SPATA16: variants seen among roughly 807,000 people sequenced by gnomAD.
SPATA16 encodes spermatogenesis-associated protein 16.
Under a neutral mutation model 63.3 loss-of-function variants are expected in SPATA16, and 36 were observed. The ratio of observed to expected loss-of-function variants is 0.57; its 90% CI spans 0.44 to 0.75. The LOEUF (loss-of-function observed/expected upper bound fraction) is 0.75. Among genes scored for constraint, SPATA16 ranks in the 30% least tolerant of loss-of-function variants. The pLI, the probability that SPATA16 is intolerant of heterozygous loss-of-function variation, is 0.00. For synonymous variants in SPATA16, 203 were observed against 216.7 expected, an observed-to-expected ratio of 0.94 and a Z score of 0.56; for missense variants, 646 against 679.3, an observed-to-expected ratio of 0.95 and a Z score of 0.54.
At chr3:173,119,245 G>C (rs946458811) in intron 1 of SPATA16, among the ~76,000 whole-genome samples, 1 of 152,152 alleles carries the variant, frequency 6.6e-6, no homozygotes, top group Non-Finnish European at 1.5e-5. Context: ...GATAGCTGCA[G>C]GAAACCACCA....
chr3:173,140,644 C>A (rs1022576421), intron 1 of SPATA16, among the ~76,000 whole-genome samples: 2 of 152,136 alleles, frequency 1.3e-5, no homozygotes, highest in African/African-American at 4.8e-5. Context: ...GTTAAGGAGA[C>A]AACAACCCGT....
chr3:172,947,750 G>A (rs1034946232), intron 6 of SPATA16, among the ~76,000 whole-genome samples: 2 of 152,096 alleles, frequency 1.3e-5, no homozygotes, highest in African/African-American at 2.4e-5. Flanking sequence ...GACACAGGGA[G>A]GGGAACATCA....
chr3:173,057,288 A>AT (rs1736259308), intron 2 of SPATA16, among the ~76,000 whole-genome samples: 1 of 150,902 alleles, frequency 6.6e-6, no homozygotes, highest in African/African-American at 2.4e-5. Flanking sequence ...ATTTTTTTGT[A>AT]TTTTTTAGTA....
At chr3:173,040,250 A>G (rs1013964230) in intron 3 of SPATA16, among the ~76,000 whole-genome samples, 1 of 152,138 alleles carries the variant, frequency 6.6e-6, no homozygotes, top group African/African-American at 2.4e-5. Flanking sequence ...TTTGGATAAT[A>G]TATAGCTATA....
chr3:173,102,459 T>G (rs1358993276), intron 2 of SPATA16, among the ~76,000 whole-genome samples: 1 of 152,162 alleles, frequency 6.6e-6, no homozygotes, highest in Non-Finnish European at 1.5e-5. Flanking sequence ...GTGCTCTTAC[T>G]TATGGTGGAA....
intron 3 of SPATA16, among the ~76,000 whole-genome samples, chr3:173,046,939 G>A (rs769607972): frequency 2.0e-5 from 3 of 151,860 alleles, no homozygotes; most frequent in Non-Finnish European, 2.9e-5. Context: ...CTTACTTAAT[G>A]TTCAACTTAG....
intron 4 of SPATA16, among the ~76,000 whole-genome samples, chr3:172,988,913 T>G (rs150230191): frequency 6.6e-6 from 1 of 152,286 alleles, no homozygotes; most frequent in East Asian, 1.9e-4. Flanking sequence ...GCTGAGATTA[T>G]AGGTGTGCAC....
chr3:173,130,392 A>G (rs575755912), intron 1 of SPATA16, among the ~76,000 whole-genome samples: 2 of 149,178 alleles, frequency 1.3e-5, no homozygotes, highest in Admixed American at 6.7e-5. Context: ...AAGAAATTCT[A>G]TAATCCCCAA....
intron 4 of SPATA16, among the ~76,000 whole-genome samples, chr3:173,001,409 G>C (rs1235681458): frequency 1.3e-5 from 2 of 151,990 alleles, no homozygotes; most frequent in African/African-American, 4.8e-5. Flanking sequence ...CCTGAGGGCA[G>C]GCCTTGTTAA....
At chr3:173,025,283 A>G (rs1735427299) in intron 3 of SPATA16, among the ~76,000 whole-genome samples, 2 of 151,784 alleles carry the variant, frequency 1.3e-5, no homozygotes, top group African/African-American at 4.8e-5. Flanking sequence ...ACTTCTAGAC[A>G]CCTTTTACTT....
chr3:173,007,974 A>G (rs575965661), intron 4 of SPATA16, among the ~76,000 whole-genome samples: 1 of 152,320 alleles, frequency 6.6e-6, no homozygotes, highest in East Asian at 1.9e-4. Context: ...ACTGATATGA[A>G]TACATATTCA....
At chr3:173,083,392 T>C (rs1029044278) in intron 2 of SPATA16, among the ~76,000 whole-genome samples, 7 of 152,168 alleles carry the variant, frequency 4.6e-5, no homozygotes, top group Non-Finnish European at 1.0e-4. Context: ...AATGAAATAA[T>C]AATAGTAAAG....
Position 172,991,190 on chromosome 3 carries a change from A to G in SPATA16, c.849-14138T>C, listed in dbSNP as rs184126154. Among the ~76,000 whole-genome samples the G allele has an allele frequency of 2.1e-3, 326 of 152,200 alleles. 1 individual carries two copies. The highest frequency in any genetic ancestry group is 7.4e-3 in the African/African-American group (308 of 41,528). ...CACGGTTTCAATGATAAATTATGTGAACGCCTATTGTTCTCTCAGGGGAGA... is the reference window on the plus strand; with the variant it reads ...CACGGTTTCAATGATAAATTATGTGGACGCCTATTGTTCTCTCAGGGGAGA... On this transcript the variant is annotated intron_variant, in intron 4 of 10. Coordinates refer to ENST00000351008, the MANE Select transcript of SPATA16 (RefSeq NM_031955.6).
rs139938984 is a variant in SPATA16, at chr3:173,016,611, C to G, written c.848+2875G>C. ...CCAAGAAACATGACTGCGTAGCATG[C>G]TACAGGAAATAACCTTGATGTGTTG... On this transcript the variant is annotated intron_variant, in intron 4 of 10. Coordinates refer to ENST00000351008, the MANE Select transcript of SPATA16 (RefSeq NM_031955.6). Among the ~76,000 whole-genome samples, 8 of 152,276 alleles carry G rather than the reference C, an allele frequency of 5.3e-5. No individual in the cohort carries two copies. The East Asian group carries it at 1.3e-3, about 26-fold the overall frequency.
intron 3 of SPATA16, among the ~76,000 whole-genome samples, chr3:173,028,348 G>A (rs949100931): frequency 6.6e-5 from 10 of 151,616 alleles, no homozygotes; most frequent in Non-Finnish European, 1.2e-4. Context: ...GCATCATTTC[G>A]TAGATTATAA....
intron 2 of SPATA16, among the ~76,000 whole-genome samples, chr3:173,077,984 A>G (rs896575756): frequency 6.6e-6 from 1 of 152,216 alleles, no homozygotes; most frequent in African/African-American, 2.4e-5. Flanking sequence ...TGTGATAATT[A>G]AAGCACCTCT....
chr3:173,094,677 G>GTTTTT (rs57224552), intron 2 of SPATA16, among the ~76,000 whole-genome samples: 2 of 115,710 alleles, frequency 1.7e-5, no homozygotes, highest in South Asian at 2.9e-4. Context: ...TATGGGAGTT[G>GTTTTT]TTTTTTTTTT....
chr3:172,931,683 AC>A (rs1328889752), intron 6 of SPATA16, among the ~76,000 whole-genome samples: 1 of 152,260 alleles, frequency 6.6e-6, no homozygotes, highest in African/African-American at 2.4e-5. Flanking sequence ...AAAAATCAAA[AC>A]TAATAAAATA....
chr3:173,116,104 C>G (rs1051441617), intron 2 of SPATA16, among the ~76,000 whole-genome samples: 2 of 152,092 alleles, frequency 1.3e-5, no homozygotes, highest in African/African-American at 2.4e-5. Flanking sequence ...GTTACCCAGA[C>G]TGGTCCAGAA....
Sources: gnomAD v4.1 joint callset for allele counts (sites outside exome capture counted in the v4.1 genomes callset) on GRCh38, gnomAD v4.1.1 for gene constraint, MANE v1.5 for transcripts, NCBI Gene and HGNC (gene_info 2026-07-23, HGNC 2026-07-21) for gene names.